MGST1: variants seen among roughly 807,000 people sequenced by gnomAD.
The protein encoded by MGST1 is microsomal glutathione S-transferase 1.
In MGST1, 5 loss-of-function variants were observed where a neutral mutation model predicts 8.9. That is an observed-to-expected ratio of 0.56 (90% confidence interval 0.29 to 1.19). The LOEUF (loss-of-function observed/expected upper bound fraction) is 1.19. MGST1 is among the 50% of genes most tolerant of loss of function. The probability of loss-of-function intolerance (pLI) is 0.08; values close to 1 mark genes in which losing one functional copy is unlikely to be tolerated. For missense variants in MGST1, 182 were observed against 187.4 expected (o/e 0.97, Z 0.17); for synonymous variants, 54 against 67.8 (o/e 0.80, Z 1.00).
At chr12:16,568,592 C>A (rs1309784999) in intron 4 of MGST1, among the ~76,000 whole-genome samples, 1 of 151,662 alleles carries the variant, frequency 6.6e-6, no homozygotes, top group Non-Finnish European at 1.5e-5. Flanking sequence ...AAGCTTAGCA[C>A]AAAAAAGAAA....
chr12:16,371,287 A>C (rs1217002595), intron 3 of MGST1, among the ~76,000 whole-genome samples: 1 of 152,116 alleles, frequency 6.6e-6, no homozygotes, highest in Non-Finnish European at 1.5e-5. Flanking sequence ...AATAAAAGAA[A>C]AATGTTTATT....
At chr12:16,534,955 C>T (rs1941745666) in intron 4 of MGST1, among the ~76,000 whole-genome samples, 1 of 152,122 alleles carries the variant, frequency 6.6e-6, no homozygotes, top group Non-Finnish European at 1.5e-5. Context: ...TCGGGTGCTG[C>T]TCTTCACCCC....
chr12:16,355,278 G>A (rs1400547190), intron 2 of MGST1, among the ~76,000 whole-genome samples: 3 of 149,506 alleles, frequency 2.0e-5, no homozygotes, highest in East Asian at 2.0e-4. Flanking sequence ...GCAGGATCTC[G>A]GCTCACTGCA....
rs149732245 is a variant in MGST1, at chr12:16,408,439, T to A, written n.778+24835T>A. On this transcript the variant is annotated intron_variant and non_coding_transcript_variant, in intron 1 of 1. Coordinates refer to the MGST1 transcript ENST00000359720. ...AGGTATTTTAATGAATATAGAATTA[T>A]AATGTGATAGTGGTTTTCTCTCAGC... 1.8e-4 allele frequency among the ~76,000 whole-genome samples: 28 copies of A among 152,316 alleles called. No homozygotes were observed. In the East Asian group the frequency reaches 3.9e-3, roughly 21 times the overall value.
chr12:16,357,411 G>C, intron 2 of MGST1, 194 bp from the exon 3 acceptor site: 2 of 493,558 alleles, frequency 4.1e-6, no homozygotes, highest in Non-Finnish European at 7.2e-6. Flanking sequence ...AGGCATGCAT[G>C]TGGCCCACTA....
intron 4 of MGST1, among the ~76,000 whole-genome samples, chr12:16,449,590 A>G (rs1941113111): frequency 6.6e-6 from 1 of 151,938 alleles, no homozygotes; most frequent in South Asian, 2.1e-4. Context: ...TGTCTGTGAC[A>G]TAATAAATGC....
chr12:16,495,444 G>A (rs1456868817), intron 4 of MGST1, among the ~76,000 whole-genome samples: 1 of 151,936 alleles, frequency 6.6e-6, no homozygotes, highest in African/African-American at 2.4e-5. Context: ...ACCAGCACAT[G>A]TACCCTCTGC....
At chr12:16,527,114 A>T (rs1941692311) in intron 4 of MGST1, among the ~76,000 whole-genome samples, 1 of 152,008 alleles carries the variant, frequency 6.6e-6, no homozygotes, top group Admixed American at 6.6e-5. Flanking sequence ...CCATCAATAC[A>T]AATACCCAGT....
intron 1 of MGST1, among the ~76,000 whole-genome samples, chr12:16,419,371 T>C (rs73318722): frequency 0.025 from 3,792 of 152,024 alleles, 154 homozygotes; most frequent in African/African-American, 0.086. Flanking sequence ...TCACCAGGGG[T>C]GGGAGTGGTG....
chr12:16,550,489 G>A (rs1565476421), intron 4 of MGST1: 1 of 152,386 alleles, frequency 6.6e-6, no homozygotes, highest in Non-Finnish European at 1.5e-5. Flanking sequence ...AAGCTTTAAA[G>A]TTATTCTAAA....
At position 16,410,594 on chromosome 12, in the gene MGST1, TTAA is replaced by T. The variant is rs1940733978; in HGVS notation, n.779-26792_779-26790del. Among the ~76,000 whole-genome samples the T allele has an allele frequency of 6.7e-6, 1 of 148,394 alleles. No homozygotes were observed. The highest frequency in any genetic ancestry group is 1.5e-5 in the Non-Finnish European group (1 of 67,320). ...TAATATATATTTTTACACATACATA[TTAA>T]TGTTTATATATTACATATAAATATT... On this transcript the variant is annotated intron_variant and non_coding_transcript_variant, in intron 1 of 1. Coordinates refer to the MGST1 transcript ENST00000359720. This position sits in a 1 kb window ranked among gnomAD's most constrained non-coding sequence, Gnocchi z 4.4.
chr12:16,478,551 T>C (rs538212070), intron 4 of MGST1, among the ~76,000 whole-genome samples: 1 of 152,248 alleles, frequency 6.6e-6, no homozygotes, highest in South Asian at 2.1e-4. Flanking sequence ...ATATTTTTTA[T>C]GTTATTTAAT....
At chr12:16,474,047 C>A (rs12312037) in intron 4 of MGST1, among the ~76,000 whole-genome samples, 3,844 of 152,228 alleles carry the variant, frequency 0.025, 183 homozygotes, top group African/African-American at 0.087. Flanking sequence ...TATACTGGAA[C>A]GGAGTGAACA....
intron 4 of MGST1, among the ~76,000 whole-genome samples, chr12:16,496,841 A>G (rs1011193322): frequency 3.9e-4 from 60 of 152,306 alleles, no homozygotes; most frequent in African/African-American, 1.3e-3. Context: ...AGAATGCTGA[A>G]TGCTGATAAC....
At chr12:16,425,123 T>C (rs1312673790) in intron 1 of MGST1, among the ~76,000 whole-genome samples, 2 of 152,156 alleles carry the variant, frequency 1.3e-5, no homozygotes, top group African/African-American at 4.8e-5. Flanking sequence ...TGAATAATCA[T>C]CTACTTACAG....
chr12:16,365,976 G>A (rs895658105), downstream of MGST1, among the ~76,000 whole-genome samples: 6 of 152,152 alleles, frequency 3.9e-5, no homozygotes, highest in African/African-American at 1.4e-4. Context: ...TCCTGGTTTT[G>A]GGTCAGGTCT....
chr12:16,568,897 T>TTA (rs1255897263), intron 4 of MGST1, among the ~76,000 whole-genome samples: 1 of 152,192 alleles, frequency 6.6e-6, no homozygotes, highest in African/African-American at 2.4e-5. Flanking sequence ...GAAATCTCTC[T>TTA]TATAATGTTC....
At chr12:16,358,857 CA>C (rs1379796258) in intron 3 of MGST1, among the ~76,000 whole-genome samples, 2 of 124,234 alleles carry the variant, frequency 1.6e-5, no homozygotes, top group Non-Finnish European at 3.2e-5. Context: ...TGTCTTTATC[CA>C]ATTCATATTG....
intron 4 of MGST1, among the ~76,000 whole-genome samples, chr12:16,501,087 G>A (rs1241473030): frequency 7.0e-6 from 1 of 142,334 alleles, no homozygotes; most frequent in African/African-American, 2.6e-5. Flanking sequence ...TGGTGACAGG[G>A]ACTCTGTCTC....
Sources: allele counts gnomAD v4.1 joint callset (sites outside exome capture counted in the v4.1 genomes callset), GRCh38; gene constraint gnomAD v4.1.1; non-coding constraint Gnocchi (gnomAD v3.1); transcripts MANE v1.5; gene names NCBI Gene and HGNC (gene_info 2026-07-23, HGNC 2026-07-21).